Variants in RGS12 observed in about 807,000 individuals in gnomAD.
RGS12 encodes regulator of G-protein signaling 12.
In RGS12, 66 loss-of-function variants were observed where a neutral mutation model predicts 120.1. That is an observed-to-expected ratio of 0.55 (90% CI 0.45 to 0.67). The LOEUF (loss-of-function observed/expected upper bound fraction) is 0.67, where lower values mean the gene tolerates loss of function less well. Ranked by LOEUF, RGS12 falls within the 30% of genes least tolerant of loss-of-function variation. The pLI, the probability that RGS12 is intolerant of heterozygous loss-of-function variation, is 0.00. For synonymous variants in RGS12, 827 were observed against 804.7 expected (o/e 1.03, Z -0.47); for missense variants, 1,859 against 1,957.7 (o/e 0.95, Z 0.95).
rs1388038792 is a variant in RGS12 at position 3,374,133 on chromosome 4, T to C, written c.1999-12283T>C. On this transcript the variant is annotated intron_variant, in intron 3 of 17. Transcript: ENST00000336727. The surrounding 1 kb of genome is among the most constrained non-coding windows in gnomAD (Gnocchi z 6.3). Reference sequence around the variant, plus strand: ...GGCTCTGTGAACGCAGGCATCCCTGTCTCCGTTGGGCGGATGTGGAGGCTG... The same window carrying C: ...GGCTCTGTGAACGCAGGCATCCCTGCCTCCGTTGGGCGGATGTGGAGGCTG... 6.6e-6 allele frequency among the ~76,000 whole-genome samples: 1 copy of C among 152,220 alleles called. No individual in the cohort carries two copies. Among genetic ancestry groups the C allele is most frequent in the Non-Finnish European group, 1.5e-5 (1 of 68,020 alleles).
chr4:3,315,444 G>T (rs1724675488), intron 1 of RGS12, among the ~76,000 whole-genome samples: 1 of 152,198 alleles, frequency 6.6e-6, no homozygotes, highest in South Asian at 2.1e-4. Context: ...GGCCTCTGCA[G>T]TATTGATCGA....
In RGS12 at chr4:3,316,718, A is replaced by G. The variant is rs188640325; in HGVS notation, c.548A>G (p.His183Arg). 1.9e-5 allele frequency: 31 copies of G among 1,614,220 alleles called. No homozygotes were observed. The highest frequency in any genetic ancestry group is 2.4e-5 in the Non-Finnish European group (28 of 1,180,032). The change falls in exon 2 of 18, where the codon CAT (histidine) becomes CGT (arginine). Residue 183 changes from histidine to arginine, a missense_variant. By Grantham distance (29) the His-to-Arg change is conservative. This residue lies in a region of RGS12 where 967 missense variants were observed against 994.2 expected (regional missense o/e 0.97). Transcript: ENST00000336727. ...GCCGCAACTCGATTTGATGTTGGAC[A>G]TGAAAGTATAAATAATCCAAATCCC... The part of the protein sequence containing the change: ...ESAATRFDVG[H>R]ESINNPNPNM...
chr4:3,317,836 T>A lies in RGS12; in HGVS notation c.1666T>A (p.Ser556Thr). ...WQCGHTSDQD[S>T]YTDSTDGWSS... ...GTGCGGACACACCAGCGACCAGGACTCTTACACAGATTCCACCGATGGCTG... is the reference window on the plus strand; with the variant it reads ...GTGCGGACACACCAGCGACCAGGACACTTACACAGATTCCACCGATGGCTG... Residue 556 changes from serine to threonine, a missense_variant, in exon 2 of 18, where the codon TCT becomes ACT. Ser to Thr is a moderately conservative substitution (Grantham distance 58). Around this residue, in one of 3 missense-constraint regions of RGS12, gnomAD observed 967 missense variants for 994.2 expected, o/e 0.97. Coordinates refer to ENST00000336727, the MANE Select transcript of RGS12 (RefSeq NM_001394154.1). 1 of 1,613,486 alleles carries A rather than the reference T, an allele frequency of 6.2e-7. No homozygotes were observed. Among genetic ancestry groups the A allele is most frequent in the Non-Finnish European group, 8.5e-7 (1 of 1,179,910 alleles).
At chr4:3,409,802 C>T (rs1484689074) in intron 4 of RGS12, among the ~76,000 whole-genome samples, 1 of 152,242 alleles carries the variant, frequency 6.6e-6, no homozygotes, top group East Asian at 1.9e-4. Flanking sequence ...TGCAGTGGGG[C>T]AGCCTCCTTT....
At chr4:3,298,144 A>G (rs537033629) in intron 1 of RGS12, among the ~76,000 whole-genome samples, 14 of 152,240 alleles carry the variant, frequency 9.2e-5, no homozygotes, top group Non-Finnish European at 1.5e-4. Flanking sequence ...GTGTTCTGAG[A>G]AGCCCGATAA....
Position 3,316,146 on chromosome 4 carries a change from C to T in RGS12, c.-25C>T. 1 of 1,521,308 alleles carries T rather than the reference C, an allele frequency of 6.6e-7. No individual in the cohort carries two copies. Among genetic ancestry groups the T allele is most frequent in the Non-Finnish European group, 8.8e-7 (1 of 1,135,270 alleles). 94.2% of individuals were successfully genotyped at this position (1,521,308 alleles called of 1,614,324 possible). On this transcript the variant is annotated 5_prime_UTR_variant, in exon 2 of 18. Transcript: ENST00000336727. ...GGCTCCAAGGGAACAATGAGACGTG[C>T]TCTTGGTCTTGGAAGCTCATCAGAA... is the stretch of plus-strand genomic sequence containing the variant.
intron 10 of RGS12, among the ~76,000 whole-genome samples, chr4:3,421,312 A>G (rs1722995010): frequency 6.6e-6 from 1 of 152,252 alleles, no homozygotes; most frequent in African/African-American, 2.4e-5. Flanking sequence ...GGTTGCCAGC[A>G]TCCTGGTCAT....
chr4:3,360,082 T>A (rs967684748), intron 3 of RGS12, among the ~76,000 whole-genome samples: 3 of 152,190 alleles, frequency 2.0e-5, no homozygotes, highest in Admixed American at 6.5e-5. Context: ...TCTTTATGAT[T>A]TGGTCTTGGT....
chr4:3,370,793 A>G (rs1173817050), intron 3 of RGS12, among the ~76,000 whole-genome samples: 2 of 152,246 alleles, frequency 1.3e-5, no homozygotes, highest in African/African-American at 4.8e-5. Context: ...GATAGCTACT[A>G]TAGATCATAT....
At chr4:3,292,768 G>A (rs902690679), upstream of RGS12, among the ~76,000 whole-genome samples, 19 of 152,234 alleles carry the variant, frequency 1.2e-4, no homozygotes, top group Middle Eastern at 6.8e-3. Context: ...GCGCCGCCGC[G>A]CCCCCAACGG....
upstream of RGS12, chr4:3,293,011 G>T (rs906974566): frequency 6.8e-6 from 1 of 147,088 alleles, no homozygotes; most frequent in South Asian, 2.2e-4. Flanking sequence ...CCTCGACCCC[G>T]GGGGGCGGTG....
chr4:3,384,217 C>A (rs1037572885), intron 3 of RGS12, among the ~76,000 whole-genome samples: 2 of 152,160 alleles, frequency 1.3e-5, no homozygotes, highest in Admixed American at 1.3e-4. Context: ...TGTAGTGGCA[C>A]GATCTCGGCT....
chr4:3,371,240 C>T (rs566917043), intron 3 of RGS12, among the ~76,000 whole-genome samples: 84 of 152,268 alleles, frequency 5.5e-4, no homozygotes, highest in African/African-American at 1.9e-3. Flanking sequence ...GCGTGAGGCT[C>T]GGGGAGCAGC....
chr4:3,410,483 G>A (rs28505211), intron 4 of RGS12, among the ~76,000 whole-genome samples: 2 of 152,268 alleles, frequency 1.3e-5, no homozygotes, highest in South Asian at 2.1e-4. Flanking sequence ...TGTGCCTTTG[G>A]GGGGGCTGTC....
In RGS12 at chr4:3,433,103, C is replaced by T. The variant is rs985495927; in HGVS notation, c.4114+2148C>T. Among the ~76,000 whole-genome samples the T allele has an allele frequency of 2.6e-4, 39 of 152,224 alleles. No individual in the cohort carries two copies. The highest frequency in any genetic ancestry group is 9.2e-4 in the African/African-American group (38 of 41,460). The stretch of plus-strand genomic sequence containing the variant: ...GAATGCCGTGGTGGCCTGATGGAAC[C>T]TCTTTCACATCTGTGGGCCGGGGCG... On this transcript the variant is annotated intron_variant, in intron 17 of 17. Coordinates refer to ENST00000336727, the MANE Select transcript of RGS12 (RefSeq NM_001394154.1). The surrounding 1 kb of genome is among the most constrained non-coding windows in gnomAD (Gnocchi z 4.4).
chr4:3,299,299 T>C (rs1723547938), intron 1 of RGS12, among the ~76,000 whole-genome samples: 1 of 152,134 alleles, frequency 6.6e-6, no homozygotes, highest in African/African-American at 2.4e-5. Context: ...TTCTGAGATA[T>C]GCCCCTCACT....
intron 1 of RGS12, chr4:3,312,929 A>T (rs1453062017): frequency 6.5e-6 from 1 of 154,756 alleles, no homozygotes; most frequent in Admixed American, 6.6e-5. Flanking sequence ...AAAAAAAAAA[A>T]TAGTTAGCCG....
At chr4:3,373,777 A>G (rs1324591138) in intron 3 of RGS12, among the ~76,000 whole-genome samples, 2 of 152,186 alleles carry the variant, frequency 1.3e-5, no homozygotes, top group Admixed American at 6.5e-5. Flanking sequence ...TGTGCCGGCG[A>G]GCATCAGCGC....
chr4:3,287,870 C>T, the RGS12 span, among the ~76,000 whole-genome samples: 20 of 152,324 alleles, frequency 1.3e-4, no homozygotes, highest in African/African-American at 4.3e-4. Context: ...ATTTGTCCCA[C>T]GGGGCCTGGG....
Sources: gnomAD v4.1 joint callset for allele counts (sites outside exome capture counted in the v4.1 genomes callset) on GRCh38, gnomAD v4.1.1 for gene constraint, gnomAD v4.1.1 regional missense constraint, Gnocchi (gnomAD v3.1) non-coding constraint, MANE v1.5 for transcripts, NCBI Gene and HGNC (gene_info 2026-07-23, HGNC 2026-07-21) for gene names.